NCOA7: variants seen among roughly 807,000 people sequenced by gnomAD.
NCOA7 encodes the protein nuclear receptor coactivator 7.
NCOA7 carries 45 observed loss-of-function variants against 104.3 expected under a neutral mutation model. That is an observed-to-expected ratio of 0.43 (90% CI 0.34 to 0.55). The LOEUF is 0.55. NCOA7 is among the 20% of genes least tolerant of loss of function. The pLI is 0.02. For synonymous variants in NCOA7, 398 were observed against 402.3 expected, an observed-to-expected ratio of 0.99 and a Z score of 0.13; for missense variants, 1,041 against 1,119.7, an observed-to-expected ratio of 0.93 and a Z score of 1.00.
intron 2 of NCOA7, among the ~76,000 whole-genome samples, chr6:125,842,263 G>A (rs1391495492): frequency 6.6e-6 from 1 of 152,122 alleles, no homozygotes; most frequent in Non-Finnish European, 1.5e-5. Context: ...AGTAGTTAAC[G>A]GGAAAGTCAG....
intron 3 of NCOA7, among the ~76,000 whole-genome samples, chr6:125,865,773 C>G (rs1170484030): frequency 7.3e-6 from 1 of 137,178 alleles, no homozygotes; most frequent in African/African-American, 3.0e-5. Context: ...AAGTGATGCT[C>G]CCACCTCAGC....
intron 8 of NCOA7, among the ~76,000 whole-genome samples, chr6:125,885,772 T>A (rs1784206135): frequency 6.6e-6 from 1 of 152,198 alleles, no homozygotes; most frequent in Admixed American, 6.6e-5. Context: ...CCCTGATTCA[T>A]GTCCTCCCTC....
Position 125,865,110 on chromosome 6 carries a change from G to A in NCOA7, c.272-9779G>A, listed in dbSNP as rs1403242379. On this transcript the variant is annotated intron_variant, in intron 3 of 15. Transcript: ENST00000392477. ...GGACTTATGATCTGCTACAAAAAAT[G>A]TAGCCTATTTTACAAACGTAAAAAC... Among the ~76,000 whole-genome samples the A allele has an allele frequency of 5.1e-5, 7 of 138,050 alleles. 1 individual carries two copies. The highest frequency in any genetic ancestry group is 3.1e-5 in the Non-Finnish European group (2 of 64,916). 90.6% of individuals were successfully genotyped at this position (138,050 alleles called of 152,430 possible). A position where few individuals can be genotyped will look rare whatever the true frequency, so the allele number is the denominator to read the frequency against.
intron 1 of NCOA7, among the ~76,000 whole-genome samples, chr6:125,806,592 C>T (rs540571943): frequency 3.1e-3 from 475 of 152,174 alleles, no homozygotes; most frequent in African/African-American, 0.011. Context: ...TTTCCTGGGG[C>T]ATTTTGGTTG....
At chr6:125,805,854 A>G (rs1472246917) in intron 1 of NCOA7, among the ~76,000 whole-genome samples, 1 of 152,220 alleles carries the variant, frequency 6.6e-6, no homozygotes, top group Non-Finnish European at 1.5e-5. Flanking sequence ...GATGCATGGA[A>G]ATCTCAATGG....
At chr6:125,839,000 C>T (rs903421832) in intron 2 of NCOA7, among the ~76,000 whole-genome samples, 9 of 152,074 alleles carry the variant, frequency 5.9e-5, no homozygotes, top group African/African-American at 1.4e-4. Context: ...CCTTCGCAGA[C>T]GCATAGTGTG....
At chr6:125,885,811 A>G (rs1784209123) in intron 8 of NCOA7, among the ~76,000 whole-genome samples, 1 of 152,174 alleles carries the variant, frequency 6.6e-6, no homozygotes, top group South Asian at 2.1e-4. Flanking sequence ...GTTTGGGTCT[A>G]CAGTGTAGTG....
chr6:125,872,682 C>T (rs142260623), intron 3 of NCOA7, among the ~76,000 whole-genome samples: 4 of 152,294 alleles, frequency 2.6e-5, no homozygotes, highest in Non-Finnish European at 4.4e-5. Flanking sequence ...GAAAGAAAGA[C>T]GAGTATTGTT....
intron 14 of NCOA7, 45 bp downstream of exon 14, chr6:125,927,803 C>T (rs1263910356): frequency 6.8e-7 from 1 of 1,464,638 alleles, no homozygotes; most frequent in South Asian, 1.1e-5. Flanking sequence ...GTCACAGTGT[C>T]CTCAGTTGGG....
intron 1 of NCOA7, among the ~76,000 whole-genome samples, chr6:125,781,888 G>A (rs1280816417): frequency 1.3e-5 from 2 of 152,136 alleles, no homozygotes; most frequent in Non-Finnish European, 2.9e-5. Context: ...TTCGAAACAT[G>A]TCAAAGCAAC....
rs1048747813 is a variant in NCOA7, at chr6:125,863,133, T to C, written c.271+7893T>C. Among the ~76,000 whole-genome samples, 7 of 139,200 alleles carry C rather than the reference T, an allele frequency of 5.0e-5. 1 individual carries two copies. Among genetic ancestry groups the C allele is most frequent in the Admixed American group, 2.7e-4 (4 of 14,674 alleles). 91.3% of individuals were successfully genotyped at this position (139,200 alleles called of 152,430 possible). ...AATCTAGAAATCAGTTATATTTCCT[T>C]AGAAACTCCAGTAGTTAGGGAGCAT... On this transcript the variant is annotated intron_variant, in intron 3 of 15. Transcript: ENST00000392477.
intron 10 of NCOA7, among the ~76,000 whole-genome samples, chr6:125,900,409 T>A (rs1785399681): frequency 6.6e-6 from 1 of 152,230 alleles, no homozygotes; most frequent in Non-Finnish European, 1.5e-5. Context: ...TTTCAAGTAA[T>A]CCTTTTTATA....
chr6:125,827,446 A>G (rs1478182566), intron 2 of NCOA7, among the ~76,000 whole-genome samples: 1 of 152,174 alleles, frequency 6.6e-6, no homozygotes, highest in Non-Finnish European at 1.5e-5. Context: ...AAAGAAGAAC[A>G]TCAAATCCAT....
chr6:125,922,610 G>T, intron 12 of NCOA7, 72 bp from the exon 13 acceptor site: 1 of 1,550,506 alleles, frequency 6.4e-7, no homozygotes. Flanking sequence ...ACAGGCATTT[G>T]TTTTGTGCCA....
At chr6:125,843,858 TACATTCA>T (rs1449875470) in intron 2 of NCOA7, among the ~76,000 whole-genome samples, 2 of 152,222 alleles carry the variant, frequency 1.3e-5, no homozygotes, top group Non-Finnish European at 2.9e-5. Flanking sequence ...GGGCAATGTG[TACATTCA>T]ACAAAGGGCT....
chr6:125,884,224 A>G lies in NCOA7; in HGVS notation c.700-935A>G, dbSNP rs2875877. On this transcript the variant is annotated intron_variant, in intron 7 of 15. Coordinates refer to ENST00000392477, the MANE Select transcript of NCOA7 (RefSeq NM_181782.5). ...TTATGGCTGAATAATTTGTGTATAT[A>G]TAGCACATTTTCTTTATTCATCTAT... Among the ~76,000 whole-genome samples, 635 of 152,334 alleles carry G rather than the reference A, an allele frequency of 4.2e-3. 1 individual carries two copies. The highest frequency in any genetic ancestry group is 7.7e-3 in the Non-Finnish European group (522 of 68,036).
At chr6:125,787,811 A>G (rs1250134335), upstream of NCOA7, among the ~76,000 whole-genome samples, 1 of 152,268 alleles carries the variant, frequency 6.6e-6, no homozygotes, top group Non-Finnish European at 1.5e-5. Context: ...ATAATAAAGT[A>G]TATTATTCTA....
At chr6:125,827,119 A>C (rs918551086) in intron 2 of NCOA7, among the ~76,000 whole-genome samples, 1 of 146,788 alleles carries the variant, frequency 6.8e-6, no homozygotes, top group African/African-American at 2.5e-5. Flanking sequence ...CCCCGGAGGC[A>C]GAGGTTGTGG....
At chr6:125,896,003 AT>A (rs1784982870) in intron 10 of NCOA7, among the ~76,000 whole-genome samples, 3 of 148,188 alleles carry the variant, frequency 2.0e-5, no homozygotes, top group Non-Finnish European at 4.5e-5. Context: ...GTGTGTGTAT[AT>A]ATATATAAAA....
Sources: gnomAD v4.1 joint callset for allele counts (sites outside exome capture counted in the v4.1 genomes callset) on GRCh38, gnomAD v4.1.1 for gene constraint, MANE v1.5 for transcripts, NCBI Gene and HGNC (gene_info 2026-07-23, HGNC 2026-07-21) for gene names.